The following GOLIM4 variants were observed in gnomAD, a reference collection of about 807,000 sequenced individuals.
GOLIM4 encodes 130 kDa golgi-localized phosphoprotein.
A neutral mutation model predicts 107.4 loss-of-function variants in GOLIM4; 71 were observed. That is an observed-to-expected ratio of 0.66 (90% CI 0.55 to 0.81). The LOEUF is 0.81. Ranked by LOEUF, GOLIM4 falls within the 30% of genes least tolerant of loss-of-function variation. The pLI is 0.00. For synonymous variants in GOLIM4, 327 were observed against 294.8 expected (o/e 1.11, Z -1.12); for missense variants, 830 against 826.1 (o/e 1.00, Z -0.06).
intron 12 of GOLIM4, among the ~76,000 whole-genome samples, chr3:168,025,848 T>C (rs1030225614): frequency 1.3e-5 from 2 of 152,224 alleles, no homozygotes; most frequent in Non-Finnish European, 1.5e-5. Context: ...TTTAGAATTA[T>C]TTCAATTTTC....
chr3:168,030,510 CAA>C (rs11411251), intron 9 of GOLIM4, among the ~76,000 whole-genome samples: 43,277 of 102,032 alleles, frequency 0.42, 6,830 homozygotes, highest in Middle Eastern at 0.58. Flanking sequence ...TAAGCATAGC[CAA>C]AAAAAAAAAA....
intron 1 of GOLIM4, among the ~76,000 whole-genome samples, chr3:168,089,941 T>C (rs1721823790): frequency 6.6e-6 from 1 of 152,112 alleles, no homozygotes. Context: ...CTAATTTTTG[T>C]ATTTTTAGTA....
At position 168,095,106 on chromosome 3, in the gene GOLIM4, C is replaced by A. The variant is rs776655950; in HGVS notation, c.180G>T (p.Gln60His). 1.3e-6 allele frequency: 2 copies of A among 1,599,692 alleles called. No homozygotes were observed. The highest frequency in any genetic ancestry group is 1.7e-6 in the Non-Finnish European group (2 of 1,169,132). The change falls in exon 1 of 16, where the codon CAG becomes CAT. Residue 60 changes from glutamine to histidine, a missense_variant. Coordinates refer to ENST00000470487, the MANE Select transcript of GOLIM4 (RefSeq NM_014498.5). ...YQQHQESLSA[Q>H]LQVVYEHRSR... The stretch of plus-strand genomic sequence containing the variant: ...GCGTCCCGTTAGCCGTACCTTGTAA[C>A]TGGGCGGAGAGGGACTCCTGGTGCT...
chr3:168,077,639 C>T (rs1217519007), intron 1 of GOLIM4, among the ~76,000 whole-genome samples: 1 of 152,160 alleles, frequency 6.6e-6, no homozygotes, highest in Non-Finnish European at 1.5e-5. Flanking sequence ...AATATATTGA[C>T]TCTATATCTT....
At chr3:168,058,377 C>T (rs932537993) in intron 1 of GOLIM4, among the ~76,000 whole-genome samples, 4 of 152,192 alleles carry the variant, frequency 2.6e-5, no homozygotes, top group African/African-American at 9.6e-5. Context: ...ACTTAACATA[C>T]ATTTCTTCAT....
At chr3:168,085,923 C>T (rs963302481) in intron 1 of GOLIM4, among the ~76,000 whole-genome samples, 2 of 151,896 alleles carry the variant, frequency 1.3e-5, no homozygotes, top group Non-Finnish European at 2.9e-5. Flanking sequence ...TTTCACAGAT[C>T]TACAGATAAA....
intron 3 of GOLIM4, 131 bp downstream of exon 3, chr3:168,046,819 A>AAAAG: frequency 2.3e-6 from 1 of 440,100 alleles, no homozygotes. Flanking sequence ...AAAAAAAAAA[A>AAAAG]GGGGGTGTCA....
chr3:168,065,093 T>C lies in GOLIM4; in HGVS notation c.188-16728A>G, dbSNP rs1460644061. Among the ~76,000 whole-genome samples the C allele has an allele frequency of 2.0e-5, 3 of 152,296 alleles. No individual in the cohort carries two copies. In the East Asian group the frequency reaches 5.8e-4, roughly 29 times the overall value. The stretch of plus-strand genomic sequence containing the variant: ...CCCTGACCTCCTGGCTGCCTGACAC[T>C]AACAAATTCACTGTTCACAACTAAG... On this transcript the variant is annotated intron_variant, in intron 1 of 15. Coordinates refer to ENST00000470487, the MANE Select transcript of GOLIM4 (RefSeq NM_014498.5).
At chr3:168,086,027 T>C (rs1721601838) in intron 1 of GOLIM4, among the ~76,000 whole-genome samples, 1 of 152,144 alleles carries the variant, frequency 6.6e-6, no homozygotes, top group African/African-American at 2.4e-5. Flanking sequence ...GCATCTAGAT[T>C]TTGAGGTGAT....
chr3:168,089,787 G>C (rs181053071), intron 1 of GOLIM4, among the ~76,000 whole-genome samples: 1,104 of 75,174 alleles, frequency 0.015, 24 homozygotes, highest in African/African-American at 0.064. Context: ...TTTTTTTTTT[G>C]AGACAGAGTC....
At chr3:168,057,564 C>T (rs1057346167) in intron 1 of GOLIM4, among the ~76,000 whole-genome samples, 12 of 152,128 alleles carry the variant, frequency 7.9e-5, no homozygotes, top group African/African-American at 1.9e-4. Flanking sequence ...CTCACTATTA[C>T]GAGAACAGCA....
At chr3:168,044,291 C>T (rs894255522) in intron 4 of GOLIM4, among the ~76,000 whole-genome samples, 11 of 152,204 alleles carry the variant, frequency 7.2e-5, no homozygotes, top group Admixed American at 1.3e-4. Flanking sequence ...AAGGGCATAA[C>T]TGCATGCTGC....
intron 1 of GOLIM4, among the ~76,000 whole-genome samples, chr3:168,081,957 T>C (rs1176371749): frequency 4.6e-5 from 7 of 152,086 alleles, no homozygotes; most frequent in Non-Finnish European, 8.8e-5. Context: ...GCAAACACAC[T>C]GACTACTCCA....
chr3:168,012,925 C>G (rs1249334762), intron 14 of GOLIM4, among the ~76,000 whole-genome samples: 1 of 151,242 alleles, frequency 6.6e-6, no homozygotes, highest in Non-Finnish European at 1.5e-5. Flanking sequence ...GAACCAGCCA[C>G]TGCAAAATCA....
intron 4 of GOLIM4, among the ~76,000 whole-genome samples, chr3:168,044,348 G>T (rs9810182): frequency 1.3e-5 from 2 of 151,968 alleles, no homozygotes; most frequent in Admixed American, 1.3e-4. Flanking sequence ...TCCTGACACA[G>T]AATAATGAGT....
chr3:168,060,334 T>C (rs1051344595), intron 1 of GOLIM4, among the ~76,000 whole-genome samples: 4 of 152,158 alleles, frequency 2.6e-5, no homozygotes, highest in South Asian at 2.1e-4. Context: ...TCTGCAGTAA[T>C]TGAGGCATGA....
At chr3:168,077,033 C>T (rs770877787) in intron 1 of GOLIM4, among the ~76,000 whole-genome samples, 52 of 152,104 alleles carry the variant, frequency 3.4e-4, no homozygotes, top group Admixed American at 8.5e-4. Context: ...TCATACCCTC[C>T]GCCTAAAAGT....
chr3:168,084,403 T>G (rs958346827), intron 1 of GOLIM4, among the ~76,000 whole-genome samples: 17 of 152,152 alleles, frequency 1.1e-4, no homozygotes, highest in Admixed American at 9.8e-4. Context: ...TATGATATCG[T>G]GACGTATTCC....
intron 1 of GOLIM4, among the ~76,000 whole-genome samples, chr3:168,058,170 A>G (rs1380112639): frequency 6.6e-6 from 1 of 152,204 alleles, no homozygotes; most frequent in Non-Finnish European, 1.5e-5. Flanking sequence ...CAATAAAGTT[A>G]CTGTAATAGT....
Sources: allele counts gnomAD v4.1 joint callset (sites outside exome capture counted in the v4.1 genomes callset), GRCh38; gene constraint gnomAD v4.1.1; transcripts MANE v1.5; gene names NCBI Gene and HGNC (gene_info 2026-07-23, HGNC 2026-07-21).